Variants in ARIH1 observed in about 807,000 individuals in gnomAD.
The protein encoded by ARIH1 is ariadne RBR E3 ubiquitin protein ligase 1.
In ARIH1, 8 loss-of-function variants were observed where a neutral mutation model predicts 85.0. The observed-to-expected ratio is 0.09, with a 90% CI of 0.06 to 0.17. The LOEUF is 0.17. ARIH1 is among the 10% of genes least tolerant of loss of function. The pLI is 1.00. For synonymous variants in ARIH1, 238 were observed against 253.6 expected, an observed-to-expected ratio of 0.94 and a Z score of 0.59; for missense variants, 311 against 718.1, an observed-to-expected ratio of 0.43 and a Z score of 6.48.
intron 9 of ARIH1, among the ~76,000 whole-genome samples, chr15:72,568,723 C>A (rs10518993): frequency 0.88 from 133,148 of 152,140 alleles, 60,960 homozygotes; most frequent in East Asian, 1. Flanking sequence ...TGTAGAATGA[C>A]GCATATTTTA....
At chr15:72,492,419 G>A (rs2063863070) in intron 1 of ARIH1, among the ~76,000 whole-genome samples, 1 of 152,086 alleles carries the variant, frequency 6.6e-6, no homozygotes, top group African/African-American at 2.4e-5. Flanking sequence ...TCGGTAATGA[G>A]AAAATAGTTC....
chr15:72,518,431 G>A (rs908487978), intron 2 of ARIH1, among the ~76,000 whole-genome samples: 2 of 152,018 alleles, frequency 1.3e-5, no homozygotes, highest in Admixed American at 1.3e-4. Context: ...AGCAGGTAGA[G>A]AAAAAAAGCA....
At chr15:72,542,700 C>T (rs1567351642) in intron 2 of ARIH1, among the ~76,000 whole-genome samples, 1 of 152,136 alleles carries the variant, frequency 6.6e-6, no homozygotes, top group Non-Finnish European at 1.5e-5. Context: ...AAATTAGGGA[C>T]ACATGTCTGT....
At chr15:72,570,726 C>T (rs1161447798) in intron 10 of ARIH1, among the ~76,000 whole-genome samples, 1 of 152,186 alleles carries the variant, frequency 6.6e-6, no homozygotes, top group African/African-American at 2.4e-5. Flanking sequence ...TATCATTAGA[C>T]ATTGTGGAAT....
intron 1 of ARIH1, among the ~76,000 whole-genome samples, chr15:72,516,125 A>G (rs997022670): frequency 1.3e-5 from 2 of 152,332 alleles, no homozygotes; most frequent in East Asian, 3.9e-4. Flanking sequence ...ATTTGGCACT[A>G]GCAACATCAA....
rs774874333 is a variant in ARIH1, at chr15:72,587,264, C to T, written c.*3972C>T. 1.5e-5 allele frequency: 8 copies of T among 528,658 alleles called. No individual in the cohort carries two copies. In the East Asian group the frequency reaches 3.8e-4, roughly 25 times the overall value. 32.7% of individuals were successfully genotyped at this position (528,658 alleles called of 1,614,324 possible). On this transcript the variant is annotated 3_prime_UTR_variant, in exon 14 of 14. Transcript: ENST00000379887. ...TTGTATCATATTTTGTTATTCTGGT[C>T]ACAGAATGACCTAGTATTCTGTACC... is the stretch of plus-strand genomic sequence containing the variant.
rs2064331758 is a variant in ARIH1, at chr15:72,589,522, C to T, written c.*6230C>T. ...TCTTACAGCTCTTACTGCTGCTTTT[C>T]CTGTCAGTTACCCCATAGCTCCAGG... is the stretch of plus-strand genomic sequence containing the variant. On this transcript the variant is annotated 3_prime_UTR_variant, in exon 14 of 14. Coordinates refer to ENST00000379887, the MANE Select transcript of ARIH1 (RefSeq NM_005744.5). The T allele has an allele frequency of 6.6e-6, 1 of 152,146 alleles. No individual in the cohort carries two copies. The highest frequency in any genetic ancestry group is 1.5e-5 in the Non-Finnish European group (1 of 68,040). The allele number at this position is 152,146 out of a possible 1,614,324, so 9.4% of individuals were successfully genotyped here.
intron 2 of ARIH1, among the ~76,000 whole-genome samples, chr15:72,527,248 G>A (rs1471513024): frequency 1.3e-5 from 2 of 152,334 alleles, no homozygotes; most frequent in Admixed American, 6.5e-5. Flanking sequence ...AACTATTTTA[G>A]TGGAGGCACT....
intron 1 of ARIH1, among the ~76,000 whole-genome samples, chr15:72,507,020 G>GTATT (rs947407689): frequency 5.0e-4 from 38 of 76,472 alleles, no homozygotes; most frequent in African/African-American, 1.3e-3. Flanking sequence ...ATGTATGTAT[G>GTATT]TATTTATTTA....
rs1320237400 is a variant in ARIH1 at position 72,584,053 on chromosome 15, C to T, written c.*761C>T. The T allele has an allele frequency of 2.0e-5, 3 of 152,104 alleles. No homozygotes were observed. The highest frequency in any genetic ancestry group is 1.9e-4 in the East Asian group (1 of 5,194). 9.4% of individuals were successfully genotyped at this position (152,104 alleles called of 1,614,324 possible). A position where few individuals can be genotyped will look rare whatever the true frequency, so the allele number is the denominator to read the frequency against. On this transcript the variant is annotated 3_prime_UTR_variant, in exon 14 of 14. Coordinates refer to ENST00000379887, the MANE Select transcript of ARIH1 (RefSeq NM_005744.5). ...TTTCTTTCAGTTTGCTTATCTTTCC[C>T]GGGTTGGGGTTGGGATAAAGGTGTG...
intron 1 of ARIH1, among the ~76,000 whole-genome samples, chr15:72,492,019 C>G (rs1053949917): frequency 4.6e-5 from 7 of 152,106 alleles, no homozygotes; most frequent in Non-Finnish European, 8.8e-5. Context: ...GCTGTGGCCT[C>G]TGAATCCAAA....
At chr15:72,579,157 C>T (rs2064284971) in intron 11 of ARIH1, among the ~76,000 whole-genome samples, 1 of 152,156 alleles carries the variant, frequency 6.6e-6, no homozygotes, top group African/African-American at 2.4e-5. Context: ...TAATTGATAT[C>T]TCTTGAGTCT....
At chr15:72,507,126 G>A (rs1595855840) in intron 1 of ARIH1, among the ~76,000 whole-genome samples, 1 of 152,122 alleles carries the variant, frequency 6.6e-6, no homozygotes, top group African/African-American at 2.4e-5. Context: ...GGGTTCAAGT[G>A]TTTCTCTTGC....
At chr15:72,568,460 G>A (rs995926246) in intron 9 of ARIH1, among the ~76,000 whole-genome samples, 1 of 152,150 alleles carries the variant, frequency 6.6e-6, no homozygotes, top group African/African-American at 2.4e-5. Flanking sequence ...CCCCAAAGAT[G>A]TTTAAAATAG....
rs563320278 is a variant in ARIH1 at position 72,474,553 on chromosome 15, C to T, written c.-87C>T. On this transcript the variant is annotated 5_prime_UTR_variant, in exon 1 of 14. Coordinates refer to ENST00000379887, the MANE Select transcript of ARIH1 (RefSeq NM_005744.5). ...AGCCAGGCCTGCGTCCGGACATCAG[C>T]CGGAGCCGGAGCGAGAGCCGGGGCC... is the stretch of plus-strand genomic sequence containing the variant. 890 of 1,436,558 alleles carry T rather than the reference C, an allele frequency of 6.2e-4. 5 individuals are homozygous for T. In the Middle Eastern group the frequency reaches 8.4e-3, roughly 14 times the overall value. 89.0% of individuals were successfully genotyped at this position (1,436,558 alleles called of 1,614,324 possible).
At chr15:72,513,015 A>G (rs2063957080) in intron 1 of ARIH1, among the ~76,000 whole-genome samples, 1 of 151,932 alleles carries the variant, frequency 6.6e-6, no homozygotes, top group Non-Finnish European at 1.5e-5. Context: ...ATCTTTTCCC[A>G]TCTTTTTACT....
chr15:72,513,011 T>C (rs2140407980), intron 1 of ARIH1, among the ~76,000 whole-genome samples: 1 of 152,280 alleles, frequency 6.6e-6, no homozygotes, highest in Admixed American at 6.5e-5. Flanking sequence ...ATATATCTTT[T>C]CCCATCTTTT....
At chr15:72,580,099 C>T (rs2064289409) in intron 11 of ARIH1, among the ~76,000 whole-genome samples, 1 of 152,198 alleles carries the variant, frequency 6.6e-6, no homozygotes, top group Non-Finnish European at 1.5e-5. Context: ...ACCCCTCTAT[C>T]CCCGCAAGCC....
intron 2 of ARIH1, among the ~76,000 whole-genome samples, chr15:72,525,652 C>G (rs1166157292): frequency 6.6e-6 from 1 of 152,114 alleles, no homozygotes; most frequent in Non-Finnish European, 1.5e-5. Context: ...AAAGTGATTG[C>G]CCATTAAAAT....
Sources: gnomAD v4.1 joint callset for allele counts (sites outside exome capture counted in the v4.1 genomes callset) on GRCh38, gnomAD v4.1.1 for gene constraint, MANE v1.5 for transcripts, NCBI Gene and HGNC (gene_info 2026-07-23, HGNC 2026-07-21) for gene names.